The following JAK1 variants were observed in gnomAD, a reference collection of about 807,000 sequenced individuals.
JAK1 encodes Janus kinase 1, also known as tyrosine-protein kinase JAK1.
In JAK1, 16 loss-of-function variants were observed where a neutral mutation model predicts 136.6. The ratio of observed to expected loss-of-function variants is 0.12; its 90% CI spans 0.08 to 0.18. The LOEUF is 0.18. Among genes scored for constraint, JAK1 ranks in the 10% least tolerant of loss-of-function variants. JAK1 has a pLI of 1.00. For missense variants in JAK1, 859 were observed against 1,450.1 expected (o/e 0.59, Z 6.62); for synonymous variants, 492 against 519.5 (o/e 0.95, Z 0.72).
rs1489617322 is a variant in JAK1 at position 64,985,319 on chromosome 1, C to T, written c.-78+59161G>A. 9 of 1,610,732 alleles carry T rather than the reference C, an allele frequency of 5.6e-6. No homozygotes were observed. The East Asian group carries it at 2.0e-4, about 36-fold the overall frequency. On this transcript the variant is annotated intron_variant, in intron 2 of 25. Transcript: ENST00000671954. ...GTCGGTAGCTGGATACTCTAAAGAG[C>T]TCCAGCACAGTGACTTGCTTTTCTT...
intron 2 of JAK1, among the ~76,000 whole-genome samples, chr1:64,978,453 A>T (rs1646515735): frequency 6.6e-6 from 1 of 152,238 alleles, no homozygotes; most frequent in African/African-American, 2.4e-5. Context: ...AATCTTATTT[A>T]TTATGGCTTT....
At chr1:65,062,037 T>C (rs1267154945) in intron 1 of JAK1, among the ~76,000 whole-genome samples, 1 of 151,936 alleles carries the variant, frequency 6.6e-6, no homozygotes, top group Non-Finnish European at 1.5e-5. Flanking sequence ...ATAAGGTCCA[T>C]GTGGACGAAA....
chr1:64,914,090 T>C (rs1645350219), intron 1 of JAK1, among the ~76,000 whole-genome samples: 2 of 152,032 alleles, frequency 1.3e-5, no homozygotes, highest in African/African-American at 4.8e-5. Flanking sequence ...CCAGTGATTG[T>C]TGATTTTGAG....
intron 1 of JAK1, among the ~76,000 whole-genome samples, chr1:64,937,280 G>A (rs181525048): frequency 6.6e-6 from 1 of 152,264 alleles, no homozygotes; most frequent in Non-Finnish European, 1.5e-5. Context: ...CCAACCCCCA[G>A]AGAGCTCCAC....
chr1:64,991,394 C>A (rs2100724658), intron 2 of JAK1: 1 of 152,352 alleles, frequency 6.6e-6, no homozygotes, highest in East Asian at 1.9e-4. Flanking sequence ...TCTCTTGCTA[C>A]CTCTTCACAT....
chr1:64,898,086 T>C lies in JAK1; in HGVS notation c.-77-11745A>G, dbSNP rs377447887. On this transcript the variant is annotated intron_variant, in intron 1 of 24. Coordinates refer to ENST00000342505, the MANE Select transcript of JAK1 (RefSeq NM_002227.4). ...TACACACATACAAAAAGGAAACTTCTTTAAAAAATAAAATAAAATGAGAAG... is the reference window on the plus strand; with the variant it reads ...TACACACATACAAAAAGGAAACTTCCTTAAAAAATAAAATAAAATGAGAAG... Among the ~76,000 whole-genome samples, 35 of 152,342 alleles carry C rather than the reference T, an allele frequency of 2.3e-4. 9 individuals are homozygous for C. Among genetic ancestry groups the C allele is most frequent in the Admixed American group, 3.9e-4 (6 of 15,304 alleles).
intron 2 of JAK1, among the ~76,000 whole-genome samples, chr1:64,989,002 G>GTATATATATATATA (rs57569640): frequency 3.4e-4 from 44 of 129,204 alleles, no homozygotes; most frequent in Non-Finnish European, 6.4e-4. Context: ...GTGTGTGTGT[G>GTATATATATATATA]TATATATATA....
intron 1 of JAK1, among the ~76,000 whole-genome samples, chr1:64,896,453 C>G (rs1436061236): frequency 6.6e-6 from 1 of 152,146 alleles, no homozygotes; most frequent in Non-Finnish European, 1.5e-5. Context: ...AAAAAGAAGA[C>G]TGAAGGATAA....
Position 64,873,412 on chromosome 1 carries a change from G to A in JAK1, c.441C>T (p.Thr147=), listed in dbSNP as rs1657192156. ...CCAGTGAGCTGGCATCAAGGAGAGG[G>A]GTTGCATCTGGAATCTTTTTTTTCT... is the stretch of plus-strand genomic sequence containing the variant. ...GYEKKKIPDA[T]PLLDASSLEY... The change falls in exon 5 of 25, where the codon ACC becomes ACT. Residue 147 remains threonine (T), a synonymous_variant. Transcript: ENST00000342505. 1 of 1,614,124 alleles carries A rather than the reference G, an allele frequency of 6.2e-7. No individual in the cohort carries two copies. The highest frequency in any genetic ancestry group is 1.1e-5 in the South Asian group (1 of 91,076).
chr1:64,873,523 C>T lies in JAK1; in HGVS notation c.330G>A (p.Arg110=). The part of the protein sequence containing the change: ...KMSLRLHYRM[R]FYFTNWHGTN... ...TTCCATGCCAATTGGTGAAATAGAA[C>T]CTGGAAGGCAGGAAAATGAATGCCA... is the stretch of plus-strand genomic sequence containing the variant. The change falls in exon 5 of 25, where the codon AGG becomes AGA. Residue 110 remains arginine, a splice_region_variant and synonymous_variant. Coordinates refer to ENST00000342505, the MANE Select transcript of JAK1 (RefSeq NM_002227.4). 1.2e-6 allele frequency: 2 copies of T among 1,614,044 alleles called. No homozygotes were observed. Among genetic ancestry groups the T allele is most frequent in the Non-Finnish European group, 8.5e-7 (1 of 1,179,954 alleles).
intron 2 of JAK1, chr1:64,987,709 T>A (rs918955834): frequency 6.6e-6 from 1 of 152,206 alleles, no homozygotes; most frequent in African/African-American, 2.4e-5. Flanking sequence ...TAGAAGCAAG[T>A]CCTTTGAAGT....
intron 8 of JAK1, among the ~76,000 whole-genome samples, chr1:64,861,091 C>T (rs1038230526): frequency 6.6e-6 from 1 of 151,862 alleles, no homozygotes; most frequent in African/African-American, 2.4e-5. Context: ...GGCAGAGGCA[C>T]AAAAGTGGAG....
intron 10 of JAK1, among the ~76,000 whole-genome samples, chr1:64,857,096 T>A (rs536911381): frequency 6.6e-6 from 1 of 152,336 alleles, no homozygotes; most frequent in South Asian, 2.1e-4. Flanking sequence ...AGAATGTATC[T>A]CACATCATCC....
intron 1 of JAK1, among the ~76,000 whole-genome samples, chr1:64,965,431 CA>C (rs745575193): frequency 4.6e-5 from 7 of 152,176 alleles, no homozygotes; most frequent in Non-Finnish European, 1.0e-4. Flanking sequence ...AACGTGTGCA[CA>C]AACACCTGGC....
At chr1:65,062,001 T>C (rs951595158) in intron 1 of JAK1, among the ~76,000 whole-genome samples, 35 of 152,048 alleles carry the variant, frequency 2.3e-4, no homozygotes, top group African/African-American at 8.5e-4. Flanking sequence ...GCACTGGCCC[T>C]AATTAATCTC....
chr1:65,041,836 C>A (rs1350262747), intron 2 of JAK1, among the ~76,000 whole-genome samples: 3 of 152,154 alleles, frequency 2.0e-5, no homozygotes, highest in Non-Finnish European at 2.9e-5. Context: ...TTCAGGAGTT[C>A]TAGACCAGCC....
At chr1:64,928,782 A>AAAAAAAC (rs1553169971) in intron 1 of JAK1, among the ~76,000 whole-genome samples, 6 of 119,402 alleles carry the variant, frequency 5.0e-5, no homozygotes, top group South Asian at 2.7e-4. Context: ...ACTCTGCAAA[A>AAAAAAAC]AAAAAAAAAA....
intron 1 of JAK1, among the ~76,000 whole-genome samples, chr1:64,965,434 A>G (rs931952861): frequency 4.6e-5 from 7 of 152,144 alleles, no homozygotes; most frequent in Non-Finnish European, 1.0e-4. Context: ...GTGTGCACAA[A>G]CACCTGGCAA....
chr1:64,837,367 G>A (rs1045422506), intron 22 of JAK1, among the ~76,000 whole-genome samples: 1 of 152,218 alleles, frequency 6.6e-6, no homozygotes. Context: ...ATGTGGTTAC[G>A]TGGCAGGGTG....
Sources: allele counts gnomAD v4.1 joint callset (sites outside exome capture counted in the v4.1 genomes callset), GRCh38; gene constraint gnomAD v4.1.1; transcripts MANE v1.5; gene names NCBI Gene and HGNC (gene_info 2026-07-23, HGNC 2026-07-21).